The following PLCB1 variants were observed in gnomAD, a reference collection of about 807,000 sequenced individuals.
PLCB1 encodes phospholipase C beta 1.
A neutral mutation model predicts 161.8 loss-of-function variants in PLCB1; 46 were observed. The ratio of observed to expected loss-of-function variants is 0.28; its 90% CI spans 0.22 to 0.36. The LOEUF is 0.36. PLCB1 is among the 10% of genes least tolerant of loss of function. The pLI, the probability that PLCB1 is intolerant of heterozygous loss-of-function variation, is 1.00. For synonymous variants in PLCB1, 517 were observed against 503.7 expected, an observed-to-expected ratio of 1.03 and a Z score of -0.35; for missense variants, 1,016 against 1,472.5, an observed-to-expected ratio of 0.69 and a Z score of 5.07.
intron 3 of PLCB1, among the ~76,000 whole-genome samples, chr20:8,506,484 T>C (rs1983642042): frequency 6.6e-6 from 1 of 152,200 alleles, no homozygotes; most frequent in African/African-American, 2.4e-5. Flanking sequence ...ATTCCATAGA[T>C]ATTGAACTTG....
At chr20:8,578,287 T>A (rs895077909) in intron 3 of PLCB1, among the ~76,000 whole-genome samples, 3 of 152,196 alleles carry the variant, frequency 2.0e-5, no homozygotes, top group Non-Finnish European at 4.4e-5. Flanking sequence ...TATAATACAT[T>A]CTCTCCAGGG....
intron 2 of PLCB1, among the ~76,000 whole-genome samples, chr20:8,229,064 A>G (rs982231685): frequency 6.6e-6 from 1 of 152,028 alleles, no homozygotes. Flanking sequence ...CTCACCCTCT[A>G]GTAGCCACTG....
At chr20:8,574,670 A>T (rs1023292736) in intron 3 of PLCB1, among the ~76,000 whole-genome samples, 4 of 152,200 alleles carry the variant, frequency 2.6e-5, no homozygotes, top group African/African-American at 9.6e-5. Context: ...AACCAGAGTC[A>T]ATCCCACTGG....
chr20:8,429,279 C>G (rs569185766), intron 3 of PLCB1, among the ~76,000 whole-genome samples: 2 of 152,306 alleles, frequency 1.3e-5, no homozygotes, highest in South Asian at 2.1e-4. Context: ...TTAAACTTCT[C>G]TAACTCTTTA....
intron 31 of PLCB1, among the ~76,000 whole-genome samples, chr20:8,828,676 G>A (rs1470538609): frequency 3.3e-5 from 5 of 152,166 alleles, no homozygotes. Flanking sequence ...GAAATGAGTG[G>A]TGTCATGACA....
At chr20:8,523,488 CTCTCTCTCTATATA>C (rs1258563924) in intron 3 of PLCB1, among the ~76,000 whole-genome samples, 641 of 59,362 alleles carry the variant, frequency 0.011, 22 homozygotes, top group Non-Finnish European at 0.017. Context: ...CTCTCTCTCT[CTCTCTCTCTATATA>C]TATATATATA....
At chr20:8,634,325 G>A (rs548118515) in intron 4 of PLCB1, among the ~76,000 whole-genome samples, 16 of 152,306 alleles carry the variant, frequency 1.1e-4, no homozygotes, top group Admixed American at 4.6e-4. Flanking sequence ...AGTCTTTAAT[G>A]TTTGTAATTT....
intron 3 of PLCB1, among the ~76,000 whole-genome samples, chr20:8,543,923 CAATT>C (rs1485549978): frequency 1.3e-5 from 2 of 152,254 alleles, no homozygotes; most frequent in East Asian, 3.9e-4. Context: ...AAATGTGAGT[CAATT>C]AAACCTCTTT....
At chr20:8,185,193 A>C (rs1295385359) in intron 2 of PLCB1, among the ~76,000 whole-genome samples, 3 of 152,126 alleles carry the variant, frequency 2.0e-5, no homozygotes, top group Non-Finnish European at 4.4e-5. Context: ...TAGTTTAGTG[A>C]TATCTACCAA....
chr20:8,684,175 C>T (rs778440419), intron 9 of PLCB1, among the ~76,000 whole-genome samples: 48 of 151,354 alleles, frequency 3.2e-4, no homozygotes, highest in East Asian at 1.4e-3. Context: ...TGAGCCACCG[C>T]GCCCAGCCCC....
chr20:8,371,678 G>A (rs971686357), intron 3 of PLCB1: 2 of 369,652 alleles, frequency 5.4e-6, no homozygotes, highest in African/African-American at 2.1e-5. Context: ...TTTTGCCTTT[G>A]TTTGAAAAAA....
intron 3 of PLCB1, among the ~76,000 whole-genome samples, chr20:8,581,353 C>A (rs534691305): frequency 6.6e-6 from 1 of 152,134 alleles, no homozygotes; most frequent in African/African-American, 2.4e-5. Flanking sequence ...GTGGTTATAA[C>A]CAGAAGTGAC....
At chr20:8,695,417 G>A (rs534706798) in intron 10 of PLCB1, among the ~76,000 whole-genome samples, 1 of 152,286 alleles carries the variant, frequency 6.6e-6, no homozygotes, top group African/African-American at 2.4e-5. Flanking sequence ...AAAAATGATG[G>A]TAGGCCAAAT....
At chr20:8,664,699 G>T (rs1326572201) in intron 9 of PLCB1, among the ~76,000 whole-genome samples, 1 of 152,076 alleles carries the variant, frequency 6.6e-6, no homozygotes, top group African/African-American at 2.4e-5. Flanking sequence ...ATGGTTTCAG[G>T]CATGACTATA....
chr20:8,678,315 T>G (rs1441718648), intron 9 of PLCB1, among the ~76,000 whole-genome samples: 1 of 152,200 alleles, frequency 6.6e-6, no homozygotes, highest in Non-Finnish European at 1.5e-5. Flanking sequence ...ATGAGAGTAA[T>G]GTATACATGT....
chr20:8,221,186 A>T (rs1979388307), intron 2 of PLCB1, among the ~76,000 whole-genome samples: 1 of 152,190 alleles, frequency 6.6e-6, no homozygotes, highest in Non-Finnish European at 1.5e-5. Context: ...ACCATAGTTC[A>T]ATTTCAGATA....
chr20:8,670,100 A>T (rs138445004), intron 9 of PLCB1, among the ~76,000 whole-genome samples: 4 of 152,340 alleles, frequency 2.6e-5, no homozygotes, highest in African/African-American at 9.6e-5. Context: ...ATAAATCAGT[A>T]CTTATACAAA....
rs182300116 is a variant in PLCB1 at position 8,351,447 on chromosome 20, C to A, written c.178-19935C>A. On this transcript the variant is annotated intron_variant, in intron 2 of 31. Transcript: ENST00000338037. ...GGATTTGTGGATGAGTTTTTAGATA[C>A]AACACCAAAAGCATAATCCATGAAA... 2.0e-3 allele frequency among the ~76,000 whole-genome samples: 307 copies of A among 151,952 alleles called. 1 individual carries two copies. Among genetic ancestry groups the A allele is most frequent in the African/African-American group, 7.1e-3 (293 of 41,490 alleles).
intron 3 of PLCB1, among the ~76,000 whole-genome samples, chr20:8,511,517 A>C (rs1241491945): frequency 6.6e-6 from 1 of 152,178 alleles, no homozygotes; most frequent in African/African-American, 2.4e-5. Context: ...GTTGATTTCA[A>C]ATCCTTTGGA....
Sources: allele counts gnomAD v4.1 joint callset (sites outside exome capture counted in the v4.1 genomes callset), GRCh38; gene constraint gnomAD v4.1.1; transcripts MANE v1.5; gene names NCBI Gene and HGNC (gene_info 2026-07-23, HGNC 2026-07-21).